MID1: variants seen among roughly 807,000 people sequenced by gnomAD.
The protein encoded by MID1 is E3 ubiquitin-protein ligase Midline-1.
A neutral mutation model predicts 40.4 loss-of-function variants in MID1; 7 were observed. The observed-to-expected ratio is 0.17, with a 90% CI of 0.10 to 0.33. MID1 has a LOEUF of 0.33. Among genes scored for constraint, MID1 ranks in the 10% least tolerant of loss-of-function variants. The probability of loss-of-function intolerance (pLI) is 1.00; values close to 1 mark genes in which losing one functional copy is unlikely to be tolerated. For synonymous variants in MID1, 229 were observed against 221.2 expected (o/e 1.04, Z -0.31); for missense variants, 367 against 558.5 (o/e 0.66, Z 3.46).
At chrX:10,594,617 A>AAC (rs1935376460) in intron 1 of MID1, among the ~76,000 whole-genome samples, 1 of 111,111 alleles carries the variant, frequency 9.0e-6, no homozygotes, top group Non-Finnish European at 1.9e-5. Flanking sequence ...AGAACCACCA[A>AAC]ACACTCTTCC....
At chrX:10,571,371 G>T (rs1934717411) in intron 1 of MID1, among the ~76,000 whole-genome samples, 1 of 111,662 alleles carries the variant, frequency 9.0e-6, no homozygotes, top group African/African-American at 3.3e-5. Flanking sequence ...TTTGTTAAAT[G>T]ACTCTACAGT....
chrX:10,731,780 G>A (rs2043450320), intron 1 of MID1, among the ~76,000 whole-genome samples: 1 of 108,987 alleles, frequency 9.2e-6, no homozygotes, highest in South Asian at 4.0e-4. Flanking sequence ...CCAACATGGC[G>A]AAAACACCGT....
intron 1 of MID1, among the ~76,000 whole-genome samples, chrX:10,744,551 T>A (rs1448683497): frequency 1.8e-5 from 2 of 111,409 alleles, no homozygotes; most frequent in Admixed American, 1.9e-4. Flanking sequence ...ACTGACATGA[T>A]CAGCACAGCC....
chrX:10,584,807 C>T (rs931456841), intron 1 of MID1, among the ~76,000 whole-genome samples: 12 of 111,464 alleles, frequency 1.1e-4, no homozygotes, highest in African/African-American at 2.0e-4. Context: ...CAGGACGAGC[C>T]GCAGACAAAA....
At chrX:10,590,578 G>A (rs1256774720) in intron 1 of MID1, among the ~76,000 whole-genome samples, 1 of 111,485 alleles carries the variant, frequency 9.0e-6, no homozygotes, top group Non-Finnish European at 1.9e-5. Context: ...CTGTTTATTT[G>A]GAGACTTGAG....
chrX:10,580,585 A>C, intron 1 of MID1, among the ~76,000 whole-genome samples: 1 of 111,856 alleles, frequency 8.9e-6, no homozygotes, highest in Non-Finnish European at 1.9e-5. Flanking sequence ...ACATTTAATA[A>C]AACATCATCA....
chrX:10,589,695 C>G (rs1463966430), intron 1 of MID1: 2 of 110,852 alleles, frequency 1.8e-5, no homozygotes, highest in African/African-American at 3.3e-5. Flanking sequence ...GGCGTCCCAC[C>G]TGGGCAAATG....
At chrX:10,666,163 G>T (rs2147587501) in intron 1 of MID1, among the ~76,000 whole-genome samples, 1 of 111,379 alleles carries the variant, frequency 9.0e-6, no homozygotes, top group East Asian at 2.9e-4. Context: ...AAAGGTCAAA[G>T]TGGGAAAGAG....
chrX:10,639,265 C>CA (rs1334976224), intron 1 of MID1, among the ~76,000 whole-genome samples: 1 of 111,126 alleles, frequency 9.0e-6, no homozygotes, highest in Non-Finnish European at 1.9e-5. Flanking sequence ...AAAAACCTTG[C>CA]AAAAAGATGA....
Position 10,449,468 on chromosome X carries a change from T to C in MID1, c.1904A>G (p.Gln635Arg), listed in dbSNP as rs758806928. 8.3e-7 allele frequency: 1 copy of C among 1,211,608 alleles called. No individual in the cohort carries two copies. Among genetic ancestry groups the C allele is most frequent in the South Asian group, 1.8e-5 (1 of 56,999 alleles). ...HLYTFDVAFAQPVCPTFTVWN... is the reference protein window; with the variant it reads ...HLYTFDVAFARPVCPTFTVWN... ...CACGGTGAAGGTGGGGCAAACAGGC[T>C]GCGCAAATGCGACGTCGAAGGTGTA... is the stretch of plus-strand genomic sequence containing the variant. The change falls in exon 10 of 10, where the codon CAG (glutamine) becomes CGG (arginine). Residue 635 changes from glutamine to arginine, a missense_variant. Transcript: ENST00000317552.
intron 1 of MID1, among the ~76,000 whole-genome samples, chrX:10,605,355 T>C (rs1015331944): frequency 1.1e-4 from 12 of 111,937 alleles, no homozygotes; most frequent in African/African-American, 3.2e-4. Context: ...TCACAGACTT[T>C]AAATGAAGTC....
Position 10,568,822 on chromosome X carries a change from A to C in MID1, c.-56-1219T>G, listed in dbSNP as rs189877483. Among the ~76,000 whole-genome samples the C allele has an allele frequency of 7.1e-5, 8 of 112,097 alleles. 1 individual carries two copies. The Admixed American group carries it at 7.5e-4, about 11-fold the overall frequency. On this transcript the variant is annotated intron_variant, in intron 1 of 9. Transcript: ENST00000317552. ...TTAAGGGTGAAGAGGCCTCATGCTC[A>C]TTAGCAGGCCTGGGAACCAAGCCGC...
intron 1 of MID1, among the ~76,000 whole-genome samples, chrX:10,825,925 C>T (rs181054540): frequency 6.8e-4 from 76 of 111,474 alleles, no homozygotes; most frequent in African/African-American, 2.2e-3. Context: ...TTTTCATTCA[C>T]GTAGACCTCA....
chrX:10,523,170 G>A lies in MID1; in HGVS notation c.678C>T (p.Asn226=). ...YDKLKQNLES[N]LTNLIKRNTE... ...TGTTCCTCTTAATAAGGTTGGTGAG[G>A]TTACTCTCTAAGTTTTGCTGTTCAA... Residue 226 remains asparagine (N), a synonymous_variant, in exon 3 of 10, where the codon AAC becomes AAT. Transcript: ENST00000317552. The A allele has an allele frequency of 1.7e-6, 2 of 1,155,731 alleles. No homozygotes were observed. The highest frequency in any genetic ancestry group is 1.2e-6 in the Non-Finnish European group (1 of 859,111).
At chrX:10,740,969 G>T (rs1304121426) in intron 1 of MID1, among the ~76,000 whole-genome samples, 1 of 111,763 alleles carries the variant, frequency 8.9e-6, no homozygotes, top group African/African-American at 3.3e-5. Flanking sequence ...TGAGAAGTGG[G>T]TAAAAGGATC....
At chrX:10,526,075 T>C (rs1487514016) in intron 2 of MID1, among the ~76,000 whole-genome samples, 1 of 112,419 alleles carries the variant, frequency 8.9e-6, no homozygotes, top group Non-Finnish European at 1.9e-5. Context: ...GAGGAAGGCT[T>C]TGTGCACATT....
At chrX:10,805,977 T>C (rs2044042935) in intron 1 of MID1, among the ~76,000 whole-genome samples, 1 of 108,676 alleles carries the variant, frequency 9.2e-6, no homozygotes. Context: ...TATTAGCCCT[T>C]TGTCAGATGA....
chrX:10,492,119 T>A (rs1490574830), intron 4 of MID1, among the ~76,000 whole-genome samples: 2 of 111,651 alleles, frequency 1.8e-5, no homozygotes, highest in African/African-American at 6.5e-5. Context: ...TGGCTTCACT[T>A]TTTTTGCTCT....
chrX:10,728,770 T>C, intron 1 of MID1, among the ~76,000 whole-genome samples: 1 of 112,063 alleles, frequency 8.9e-6, no homozygotes, highest in Middle Eastern at 4.6e-3. Context: ...CAAAGCAAGA[T>C]TTATGCTATT....
Sources: gnomAD v4.1 joint callset for allele counts (sites outside exome capture counted in the v4.1 genomes callset) on GRCh38, gnomAD v4.1.1 for gene constraint, MANE v1.5 for transcripts, NCBI Gene and HGNC (gene_info 2026-07-23, HGNC 2026-07-21) for gene names.